Variants in CBLB observed in about 807,000 individuals in gnomAD.
CBLB encodes the protein E3 ubiquitin-protein ligase CBL-B.
In CBLB, 31 loss-of-function variants were observed where a neutral mutation model predicts 104.9. The observed-to-expected ratio is 0.30, with a 90% CI of 0.22 to 0.40. The LOEUF is 0.40. Among genes scored for constraint, CBLB ranks in the 10% least tolerant of loss-of-function variants. The probability of loss-of-function intolerance (pLI) is 1.00; values close to 1 mark genes in which losing one functional copy is unlikely to be tolerated. For missense variants in CBLB, 1,062 were observed against 1,214.6 expected, an observed-to-expected ratio of 0.87 and a Z score of 1.87; for synonymous variants, 440 against 422.6, an observed-to-expected ratio of 1.04 and a Z score of -0.51.
At chr3:105,695,863 C>T (rs2068303826) in intron 12 of CBLB, among the ~76,000 whole-genome samples, 1 of 151,680 alleles carries the variant, frequency 6.6e-6, no homozygotes, top group African/African-American at 2.4e-5. Flanking sequence ...CATTTTATAG[C>T]ATATGCCTTA....
chr3:105,794,765 T>C (rs1200703327), intron 3 of CBLB, among the ~76,000 whole-genome samples: 1 of 152,092 alleles, frequency 6.6e-6, no homozygotes, highest in Admixed American at 6.5e-5. Context: ...CATAAATACA[T>C]AAAACTACAT....
chr3:105,702,326 T>C lies in CBLB; in HGVS notation c.1727A>G (p.His576Arg). The C allele has an allele frequency of 3.1e-6, 5 of 1,613,864 alleles. No individual in the cohort carries two copies. Among genetic ancestry groups the C allele is most frequent in the Non-Finnish European group, 4.2e-6 (5 of 1,179,956 alleles). The part of the protein sequence containing the change: ...PPDNRLSRHI[H>R]HVESVPSRDP... The stretch of plus-strand genomic sequence containing the variant: ...TCTGGAAGGCACGCTTTCCACATGA[T>C]GGATGTGTCTACTCAGTCTATTGTC... The change falls in exon 12 of 19, where the codon CAT becomes CGT. Residue 576 changes from histidine to arginine, a missense_variant. Transcript: ENST00000394030.
In CBLB at chr3:105,670,224, C is replaced by G. The variant is rs916524714; in HGVS notation, c.2689+9G>C. ...AAGGTATTATTGTTACTGTTACTAG[C>G]CAACTCACCTGAACATGAAGGAAGC... is the stretch of plus-strand genomic sequence containing the variant. On this transcript the variant is annotated intron_variant, in intron 18 of 18. Coordinates refer to ENST00000394030, the MANE Select transcript of CBLB (RefSeq NM_170662.5). The G allele has an allele frequency of 1.2e-6, 2 of 1,612,302 alleles. No individual in the cohort carries two copies. Among genetic ancestry groups the G allele is most frequent in the Admixed American group, 1.7e-5 (1 of 59,944 alleles).
At chr3:105,665,416 A>AATATATATAT (rs71111381) in intron 18 of CBLB, among the ~76,000 whole-genome samples, 4 of 98,656 alleles carry the variant, frequency 4.1e-5, no homozygotes, top group Admixed American at 1.1e-4. Flanking sequence ...TAAATAAATA[A>AATATATATAT]ATATATATAT....
intron 6 of CBLB, among the ~76,000 whole-genome samples, chr3:105,742,580 C>T (rs1420999089): frequency 1.3e-5 from 2 of 151,834 alleles, no homozygotes; most frequent in African/African-American, 4.8e-5. Flanking sequence ...AGACCTACGG[C>T]TATGATATTA....
rs148420217 is a variant in CBLB at position 105,793,626 on chromosome 3, A to G, written c.420-17084T>C. The stretch of plus-strand genomic sequence containing the variant: ...GAAGAACAAGGAAAAGAATCTCAGG[A>G]AAAAAAAAGTATCCATTTAAATGAA... On this transcript the variant is annotated intron_variant, in intron 3 of 18. Coordinates refer to ENST00000394030, the MANE Select transcript of CBLB (RefSeq NM_170662.5). 1.0e-3 allele frequency among the ~76,000 whole-genome samples: 152 copies of G among 151,666 alleles called. 2 individuals are homozygous for G. In the East Asian group the frequency reaches 0.015, roughly 15 times the overall value.
At chr3:105,694,010 T>C (rs941854990) in intron 12 of CBLB, among the ~76,000 whole-genome samples, 1 of 151,986 alleles carries the variant, frequency 6.6e-6, no homozygotes, top group African/African-American at 2.4e-5. Flanking sequence ...TAAATTATAT[T>C]TCTCCATGGT....
intron 3 of CBLB, among the ~76,000 whole-genome samples, chr3:105,794,180 C>T (rs1330472917): frequency 6.6e-6 from 1 of 152,118 alleles, no homozygotes; most frequent in Non-Finnish European, 1.5e-5. Flanking sequence ...AAGTAATACA[C>T]TTGTAGTGCT....
intron 12 of CBLB, among the ~76,000 whole-genome samples, chr3:105,701,355 T>C (rs1293148282): frequency 6.6e-6 from 1 of 152,232 alleles, no homozygotes; most frequent in African/African-American, 2.4e-5. Context: ...TCATTTTACC[T>C]GGCTGCCTAA....
intron 3 of CBLB, among the ~76,000 whole-genome samples, chr3:105,820,842 G>A (rs541536610): frequency 2.0e-5 from 3 of 151,940 alleles, no homozygotes; most frequent in South Asian, 2.1e-4. Context: ...AAAAGTCCTA[G>A]GAAGTTCGTT....
Position 105,841,641 on chromosome 3 carries a change from G to C in CBLB, c.419+11773C>G, listed in dbSNP as rs560125980. On this transcript the variant is annotated intron_variant, in intron 3 of 18. Coordinates refer to ENST00000394030, the MANE Select transcript of CBLB (RefSeq NM_170662.5). The stretch of plus-strand genomic sequence containing the variant: ...CTAATTTTTTTGTATTTTTATTACA[G>C]ACAGGGTTTCACCATGTTAGCCAGG... Among the ~76,000 whole-genome samples the C allele has an allele frequency of 5.3e-5, 8 of 151,904 alleles. No homozygotes were observed. In the East Asian group the frequency reaches 1.6e-3, roughly 30 times the overall value.
intron 4 of CBLB, among the ~76,000 whole-genome samples, chr3:105,773,617 G>C (rs1034580472): frequency 1.3e-5 from 2 of 152,102 alleles, no homozygotes; most frequent in African/African-American, 4.8e-5. Flanking sequence ...TTTAACGCTA[G>C]TAATATATTT....
At chr3:105,788,181 C>T (rs2081240504) in intron 3 of CBLB, among the ~76,000 whole-genome samples, 1 of 152,162 alleles carries the variant, frequency 6.6e-6, no homozygotes, top group Non-Finnish European at 1.5e-5. Flanking sequence ...CACATGATGG[C>T]TCCTCAATAA....
At chr3:105,766,559 G>A (rs1045674698) in intron 4 of CBLB, among the ~76,000 whole-genome samples, 3 of 152,126 alleles carry the variant, frequency 2.0e-5, no homozygotes, top group Non-Finnish European at 4.4e-5. Flanking sequence ...CATGAACATC[G>A]AGGCACAACT....
chr3:105,704,058 G>C lies in CBLB; in HGVS notation c.1523C>G (p.Pro508Arg). The C allele has an allele frequency of 6.2e-7, 1 of 1,614,154 alleles. No homozygotes were observed. Among genetic ancestry groups the C allele is most frequent in the South Asian group, 1.1e-5 (1 of 91,078 alleles). The change falls in exon 11 of 19, where the codon CCT becomes CGT. Residue 508 changes from proline to arginine, a missense_variant. Coordinates refer to ENST00000394030, the MANE Select transcript of CBLB (RefSeq NM_170662.5). ...QIPHLSLPPV[P>R]PRLDLIQKGI... is the part of the protein sequence containing the mutation. ...TTTCTGAATTAGATCCAGGCGAGGAGGCACGGGTGGCAGGCTTAGATGTGG... is the reference window on the plus strand; with the variant it reads ...TTTCTGAATTAGATCCAGGCGAGGACGCACGGGTGGCAGGCTTAGATGTGG...
At chr3:105,703,105 T>C (rs1292871824) in intron 11 of CBLB, among the ~76,000 whole-genome samples, 1 of 146,930 alleles carries the variant, frequency 6.8e-6, no homozygotes, top group East Asian at 1.9e-4. Flanking sequence ...AATATAAAGG[T>C]ATAGATCAAT....
intron 12 of CBLB, among the ~76,000 whole-genome samples, chr3:105,701,397 C>T (rs1415433124): frequency 6.6e-6 from 1 of 152,142 alleles, no homozygotes; most frequent in Non-Finnish European, 1.5e-5. Context: ...ATAACTAACT[C>T]CAACAACTGA....
intron 17 of CBLB, among the ~76,000 whole-genome samples, chr3:105,676,679 A>T (rs2065683832): frequency 6.6e-6 from 1 of 152,228 alleles, no homozygotes; most frequent in Admixed American, 6.5e-5. Context: ...TTTACATGTA[A>T]CTAACTATAT....
intron 2 of CBLB, among the ~76,000 whole-genome samples, chr3:105,866,173 C>T (rs184739716): frequency 6.6e-6 from 1 of 152,310 alleles, no homozygotes; most frequent in Non-Finnish European, 1.5e-5. Flanking sequence ...CAAAAATATT[C>T]TGGCTCTGCA....
Sources: allele counts gnomAD v4.1 joint callset (sites outside exome capture counted in the v4.1 genomes callset), GRCh38; gene constraint gnomAD v4.1.1; transcripts MANE v1.5; gene names NCBI Gene and HGNC (gene_info 2026-07-23, HGNC 2026-07-21).